The following FHIT variants were observed in gnomAD, a reference collection of about 807,000 sequenced individuals.
FHIT encodes bis(5'-adenosyl)-triphosphatase.
In FHIT, 19 loss-of-function variants were observed where a neutral mutation model predicts 17.9. The observed-to-expected ratio is 1.06, with a 90% CI of 0.74 to 1.56. The LOEUF is 1.56. Among genes scored for constraint, FHIT ranks in the 40% most tolerant of loss-of-function variants. The pLI is 0.00. For synonymous variants in FHIT, 81 were observed against 69.7 expected (o/e 1.16, Z -0.81); for missense variants, 248 against 189.2 (o/e 1.31, Z -1.82).
intron 4 of FHIT, among the ~76,000 whole-genome samples, chr3:60,815,148 T>C (rs964315913): frequency 6.6e-6 from 1 of 152,106 alleles, no homozygotes; most frequent in African/African-American, 2.4e-5. Flanking sequence ...ATTAGACCTT[T>C]AGTGGTTGTG....
intron 4 of FHIT, among the ~76,000 whole-genome samples, chr3:60,560,857 AGT>A (rs1559540579): frequency 7.0e-6 from 1 of 143,108 alleles, no homozygotes; most frequent in Admixed American, 6.9e-5. Flanking sequence ...AGAGAGAGAG[AGT>A]GTGTGTGTGT....
chr3:60,503,652 A>G (rs1227751210), intron 5 of FHIT, among the ~76,000 whole-genome samples: 3 of 152,212 alleles, frequency 2.0e-5, no homozygotes, highest in Admixed American at 1.3e-4. Flanking sequence ...ATGAAATATT[A>G]TGAAACCACT....
At chr3:60,466,663 T>C (rs2032810451) in intron 5 of FHIT, among the ~76,000 whole-genome samples, 1 of 152,116 alleles carries the variant, frequency 6.6e-6, no homozygotes, top group Non-Finnish European at 1.5e-5. Context: ...TCATATGATG[T>C]ATCATTGATT....
At chr3:60,635,424 C>A (rs1315778977) in intron 4 of FHIT, among the ~76,000 whole-genome samples, 2 of 152,186 alleles carry the variant, frequency 1.3e-5, no homozygotes, top group Non-Finnish European at 2.9e-5. Flanking sequence ...GGCCAGTTGA[C>A]CACTCCCCTC....
At chr3:60,533,944 T>C (rs1262560143) in intron 5 of FHIT, among the ~76,000 whole-genome samples, 1 of 152,090 alleles carries the variant, frequency 6.6e-6, no homozygotes, top group African/African-American at 2.4e-5. Context: ...AGCATAAATC[T>C]AGATGAACCA....
chr3:60,796,991 A>T (rs2108133944), intron 4 of FHIT, among the ~76,000 whole-genome samples: 1 of 152,348 alleles, frequency 6.6e-6, no homozygotes, highest in Admixed American at 6.5e-5. Flanking sequence ...TATAAAGGCC[A>T]TGTGTTTGTA....
At chr3:60,639,143 A>C (rs1421983690) in intron 4 of FHIT, among the ~76,000 whole-genome samples, 6 of 150,566 alleles carry the variant, frequency 4.0e-5, no homozygotes, top group African/African-American at 1.5e-4. Flanking sequence ...TCCTAAGGGC[A>C]TTTGCGAATT....
chr3:60,832,610 G>A (rs965457781), intron 3 of FHIT, among the ~76,000 whole-genome samples: 4 of 151,526 alleles, frequency 2.6e-5, no homozygotes, highest in African/African-American at 4.9e-5. Flanking sequence ...TCAGACATAC[G>A]TGGTCACAAC....
chr3:60,424,836 G>A (rs1702605776), intron 5 of FHIT, among the ~76,000 whole-genome samples: 1 of 152,100 alleles, frequency 6.6e-6, no homozygotes, highest in African/African-American at 2.4e-5. Flanking sequence ...TTCTAACAAT[G>A]AGGTTTGTTT....
At chr3:60,361,262 G>A (rs1022931884) in intron 5 of FHIT, among the ~76,000 whole-genome samples, 4 of 152,126 alleles carry the variant, frequency 2.6e-5, no homozygotes, top group Admixed American at 6.5e-5. Flanking sequence ...CTAGAAATTC[G>A]CTTTATAGGT....
At chr3:61,137,548 C>T (rs1268714319) in intron 2 of FHIT, among the ~76,000 whole-genome samples, 1 of 152,236 alleles carries the variant, frequency 6.6e-6, no homozygotes, top group East Asian at 1.9e-4. Flanking sequence ...AGCCTGGATG[C>T]TACCTACAGA....
At chr3:60,579,518 T>C (rs879988576) in intron 4 of FHIT, among the ~76,000 whole-genome samples, 1 of 152,190 alleles carries the variant, frequency 6.6e-6, no homozygotes, top group African/African-American at 2.4e-5. Flanking sequence ...TTAATATGTA[T>C]GTTGACAAAC....
intron 5 of FHIT, among the ~76,000 whole-genome samples, chr3:60,474,537 G>A (rs9820943): frequency 0.29 from 43,599 of 152,010 alleles, 6,802 homozygotes; most frequent in East Asian, 0.54. Flanking sequence ...TAATAATTAG[G>A]CAAGAAATCA....
rs1716742 is a variant in FHIT at position 60,732,227 on chromosome 3, T to G, written c.-18+89692A>C. 21 of 839,592 alleles carry G rather than the reference T, an allele frequency of 2.5e-5. No individual in the cohort carries two copies. In the African/African-American group the frequency reaches 2.8e-4, roughly 11 times the overall value. The allele number at this position is 839,592 out of a possible 1,614,324, so 52.0% of individuals were successfully genotyped here. ...GACCCAAAGTGTTCCATGGCCTCCA[T>G]GATATTCATGCCTTCACCATGCCAA... On this transcript the variant is annotated intron_variant, in intron 4 of 9. Transcript: ENST00000492590.
chr3:60,004,625 T>C (rs1386501948), intron 7 of FHIT, among the ~76,000 whole-genome samples: 1 of 152,172 alleles, frequency 6.6e-6, no homozygotes, highest in African/African-American at 2.4e-5. Context: ...TCTACTGTGA[T>C]TACAGGATAC....
Position 60,929,050 on chromosome 3 carries a change from G to C in FHIT, c.-110-107039C>G, listed in dbSNP as rs559613496. Among the ~76,000 whole-genome samples, 243 of 152,270 alleles carry C rather than the reference G, an allele frequency of 1.6e-3. 3 individuals carry two copies. Among genetic ancestry groups the C allele is most frequent in the East Asian group, 7.7e-3 (40 of 5,186 alleles). ...GTTGGCTTCATTCCTGGGATGCAAG[G>C]CTGGTTCAACATACGCAAATCAATA... On this transcript the variant is annotated intron_variant, in intron 3 of 9. Coordinates refer to ENST00000492590, the MANE Select transcript of FHIT (RefSeq NM_002012.4).
chr3:61,227,664 G>A (rs1463099428), intron 1 of FHIT, among the ~76,000 whole-genome samples: 1 of 152,136 alleles, frequency 6.6e-6, no homozygotes, highest in Non-Finnish European at 1.5e-5. Flanking sequence ...ATTTGGTCAT[G>A]AAAATTCTGA....
At chr3:60,891,775 T>A (rs1705526983) in intron 3 of FHIT, among the ~76,000 whole-genome samples, 1 of 152,166 alleles carries the variant, frequency 6.6e-6, no homozygotes, top group Non-Finnish European at 1.5e-5. Flanking sequence ...TACAATTTAT[T>A]ACACTCCCTT....
intron 8 of FHIT, among the ~76,000 whole-genome samples, chr3:59,757,451 G>A (rs562458579): frequency 6.6e-6 from 1 of 152,044 alleles, no homozygotes; most frequent in South Asian, 2.1e-4. Context: ...TCCCTCCTGT[G>A]CACTGAGTGT....
Sources: gnomAD v4.1 joint callset for allele counts (sites outside exome capture counted in the v4.1 genomes callset) on GRCh38, gnomAD v4.1.1 for gene constraint, MANE v1.5 for transcripts, NCBI Gene and HGNC (gene_info 2026-07-23, HGNC 2026-07-21) for gene names.